Variants in DPYD observed in about 807,000 individuals in gnomAD.
DPYD encodes the protein dihydropyrimidine dehydrogenase [NADP(+)].
DPYD carries 109 observed loss-of-function variants against 116.2 expected under a neutral mutation model. The ratio of observed to expected loss-of-function variants is 0.94; its 90% CI spans 0.80 to 1.10. The LOEUF (loss-of-function observed/expected upper bound fraction) is 1.10. DPYD is among the 50% of genes least tolerant of loss of function. The pLI is 0.00. For synonymous variants in DPYD, 440 were observed against 432.0 expected, an observed-to-expected ratio of 1.02 and a Z score of -0.23; for missense variants, 1,302 against 1,254.5, an observed-to-expected ratio of 1.04 and a Z score of -0.57.
intron 15 of DPYD, 90 bp from the exon 16 acceptor site, chr1:97,373,734 T>A: frequency 8.7e-7 from 1 of 1,146,816 alleles, no homozygotes; most frequent in Non-Finnish European, 1.3e-6. Context: ...GTCACATTTG[T>A]CAAGTGTTAA....
chr1:97,857,021 A>G (rs1183179629), intron 2 of DPYD, among the ~76,000 whole-genome samples: 1 of 151,730 alleles, frequency 6.6e-6, no homozygotes, highest in Non-Finnish European at 1.5e-5. Flanking sequence ...CCTCTCCCCA[A>G]CCTCCTATTC....
intron 20 of DPYD, among the ~76,000 whole-genome samples, chr1:97,182,798 G>A (rs1396931061): frequency 6.6e-6 from 1 of 152,098 alleles, no homozygotes; most frequent in Non-Finnish European, 1.5e-5. Context: ...ACAGGAGTAA[G>A]CTGCAAGAGC....
At chr1:97,414,720 T>C (rs953177297) in intron 14 of DPYD, among the ~76,000 whole-genome samples, 6 of 152,220 alleles carry the variant, frequency 3.9e-5, no homozygotes, top group African/African-American at 1.4e-4. Context: ...AGCTAGAAAA[T>C]GTCTTAGTTA....
intron 20 of DPYD, among the ~76,000 whole-genome samples, chr1:97,135,057 A>G (rs1281400651): frequency 6.6e-6 from 1 of 152,132 alleles, no homozygotes; most frequent in Non-Finnish European, 1.5e-5. Flanking sequence ...AAGACAGCTT[A>G]ATCCACCATT....
At chr1:97,372,294 G>GA (rs1055918563) in intron 16 of DPYD, among the ~76,000 whole-genome samples, 2 of 152,112 alleles carry the variant, frequency 1.3e-5, no homozygotes, top group African/African-American at 4.8e-5. Flanking sequence ...CTTGAGATGG[G>GA]AAAAGAATAC....
chr1:97,867,040 A>G (rs1671419228), intron 2 of DPYD, among the ~76,000 whole-genome samples: 1 of 151,826 alleles, frequency 6.6e-6, no homozygotes, highest in Non-Finnish European at 1.5e-5. Flanking sequence ...AAATAATAAT[A>G]CAGTTGCATT....
intron 3 of DPYD, among the ~76,000 whole-genome samples, chr1:97,770,466 A>G (rs142979980): frequency 6.6e-6 from 1 of 152,316 alleles, no homozygotes; most frequent in African/African-American, 2.4e-5. Context: ...TCCAAATAAG[A>G]AAAGGGAAAA....
chr1:97,662,504 G>A (rs982154599), intron 8 of DPYD, among the ~76,000 whole-genome samples: 11 of 151,784 alleles, frequency 7.2e-5, no homozygotes, highest in South Asian at 4.2e-4. Context: ...GTGGTGGCAC[G>A]TGCCTGTAAT....
At chr1:97,583,535 A>G (rs1435387006) in intron 10 of DPYD, among the ~76,000 whole-genome samples, 4 of 151,896 alleles carry the variant, frequency 2.6e-5, no homozygotes, top group Non-Finnish European at 5.9e-5. Context: ...AAATGCCTCC[A>G]TGTACAAATT....
At chr1:97,491,735 TA>T (rs1219058786) in intron 13 of DPYD, among the ~76,000 whole-genome samples, 2 of 152,142 alleles carry the variant, frequency 1.3e-5, no homozygotes, top group Non-Finnish European at 2.9e-5. Context: ...TAAAGGCTGT[TA>T]AAGCTATTTT....
In DPYD at chr1:97,134,009, AAAAAAATATATATATATATATATATAT is replaced by A. The variant is rs1653553873; in HGVS notation, c.2623-35404_2623-35378del. 2.7e-4 allele frequency among the ~76,000 whole-genome samples: 13 copies of A among 47,878 alleles called. 1 individual carries two copies. Among genetic ancestry groups the A allele is most frequent in the South Asian group, 2.5e-3 (3 of 1,192 alleles). 31.4% of individuals were successfully genotyped at this position (47,878 alleles called of 152,430 possible). A position where few individuals can be genotyped will look rare whatever the true frequency, so the allele number is the denominator to read the frequency against. On this transcript the variant is annotated intron_variant, in intron 20 of 22. Transcript: ENST00000370192. The stretch of plus-strand genomic sequence containing the variant: ...GCCAGACTCTGTTTCAAAAAAAAAA[AAAAAAATATATATATATATATATATAT>A]ATATATATATATATATATATATATA...
chr1:97,355,514 G>A (rs1320577188), intron 16 of DPYD, among the ~76,000 whole-genome samples: 1 of 151,986 alleles, frequency 6.6e-6, no homozygotes, highest in African/African-American at 2.4e-5. Flanking sequence ...TATTATTCCT[G>A]TCTAATTGAG....
chr1:97,247,774 T>A (rs59668387), intron 18 of DPYD, among the ~76,000 whole-genome samples: 2 of 152,110 alleles, frequency 1.3e-5, no homozygotes, highest in African/African-American at 4.8e-5. Flanking sequence ...ACAAATTCCA[T>A]GCAAAACACA....
Position 97,193,164 on chromosome 1 carries a change from T to C in DPYD, c.2527A>G (p.Ile843Val), listed in dbSNP as rs372058915. 1.1e-4 allele frequency: 184 copies of C among 1,613,938 alleles called. No individual in the cohort carries two copies. The highest frequency in any genetic ancestry group is 1.5e-4 in the Non-Finnish European group (179 of 1,179,974). Reference sequence around the variant, plus strand: ...CCATCCCAGTCTTGTAGTTCTTCAATGCTTTTCAGATAAAGCAGGGCTTTG... The same window carrying C: ...CCATCCCAGTCTTGTAGTTCTTCAACGCTTTTCAGATAAAGCAGGGCTTTG... Reference protein sequence around the residue: ...GLKALLYLKSIEELQDWDGQS... With the variant: ...GLKALLYLKSVEELQDWDGQS... The change falls in exon 20 of 23, where the codon ATT (isoleucine) becomes GTT (valine). Residue 843 changes from isoleucine to valine, a missense_variant. By Grantham distance (29) the Ile-to-Val change is conservative. Transcript: ENST00000370192.
intron 3 of DPYD, among the ~76,000 whole-genome samples, chr1:97,741,186 C>T (rs1664252143): frequency 6.6e-6 from 1 of 152,192 alleles, no homozygotes; most frequent in African/African-American, 2.4e-5. Flanking sequence ...GGGTTGGAGG[C>T]TCTCTGCCCA....
At chr1:97,798,579 A>T (rs1243299804) in intron 3 of DPYD, among the ~76,000 whole-genome samples, 1 of 152,060 alleles carries the variant, frequency 6.6e-6, no homozygotes, top group African/African-American at 2.4e-5. Context: ...AATAGTACCT[A>T]CCTCACAGTA....
At chr1:97,215,825 T>A (rs1660344467) in intron 19 of DPYD, among the ~76,000 whole-genome samples, 2 of 152,178 alleles carry the variant, frequency 1.3e-5, no homozygotes, top group African/African-American at 4.8e-5. Context: ...TACTTGTGAC[T>A]GAAAGTGACC....
intron 16 of DPYD, among the ~76,000 whole-genome samples, chr1:97,363,335 T>C (rs1346642541): frequency 6.6e-6 from 1 of 152,126 alleles, no homozygotes; most frequent in Non-Finnish European, 1.5e-5. Flanking sequence ...GGAATAGGAA[T>C]GCCTTTATAC....
chr1:97,525,895 CGTGT>C (rs34460898), intron 12 of DPYD, among the ~76,000 whole-genome samples: 2,737 of 127,272 alleles, frequency 0.022, 220 homozygotes, highest in South Asian at 0.12. Context: ...TGCGCGCGCG[CGTGT>C]GTGTGTGTGT....
Sources: gnomAD v4.1 joint callset for allele counts (sites outside exome capture counted in the v4.1 genomes callset) on GRCh38, gnomAD v4.1.1 for gene constraint, MANE v1.5 for transcripts, NCBI Gene and HGNC (gene_info 2026-07-23, HGNC 2026-07-21) for gene names.